The following ADGRL2 variants were observed in gnomAD, a reference collection of about 807,000 sequenced individuals.
ADGRL2 encodes calcium-independent alpha-latrotoxin receptor 2.
In ADGRL2, 44 loss-of-function variants were observed where a neutral mutation model predicts 157.4. The observed-to-expected ratio is 0.28, with a 90% CI of 0.22 to 0.36. The LOEUF (loss-of-function observed/expected upper bound fraction) is 0.36. Among genes scored for constraint, ADGRL2 ranks in the 10% least tolerant of loss-of-function variants. ADGRL2 has a pLI of 1.00. For missense variants in ADGRL2, 1,510 were observed against 1,768.9 expected, an observed-to-expected ratio of 0.85 and a Z score of 2.63; for synonymous variants, 585 against 624.7, an observed-to-expected ratio of 0.94 and a Z score of 0.95.
intron 2 of ADGRL2, among the ~76,000 whole-genome samples, chr1:81,511,723 G>C (rs1295234828): frequency 2.0e-5 from 3 of 152,074 alleles, no homozygotes; most frequent in African/African-American, 7.2e-5. Context: ...TGAGTCAAAA[G>C]CAAATCATGT....
At chr1:81,891,084 C>T (rs2094251905) in intron 2 of ADGRL2, among the ~76,000 whole-genome samples, 1 of 151,876 alleles carries the variant, frequency 6.6e-6, no homozygotes, top group African/African-American at 2.4e-5. Flanking sequence ...TTATTTCCCC[C>T]CATGCATGTA....
At chr1:81,341,734 T>C (rs536847597) in intron 1 of ADGRL2, among the ~76,000 whole-genome samples, 2 of 152,280 alleles carry the variant, frequency 1.3e-5, no homozygotes, top group South Asian at 2.1e-4. Context: ...GTAGAGCTCA[T>C]TGGGAGTTAC....
chr1:81,636,261 A>G (rs1322058076), intron 3 of ADGRL2, among the ~76,000 whole-genome samples: 2 of 152,196 alleles, frequency 1.3e-5, no homozygotes, highest in African/African-American at 4.8e-5. Flanking sequence ...GTGTATATAT[A>G]TGTGCATATT....
chr1:81,926,585 T>A (rs557985569), intron 3 of ADGRL2, among the ~76,000 whole-genome samples: 2 of 152,166 alleles, frequency 1.3e-5, no homozygotes, highest in Non-Finnish European at 2.9e-5. Flanking sequence ...TCTTAAGTGA[T>A]ACAGGTTGTA....
chr1:81,428,566 C>G (rs955746860), intron 1 of ADGRL2, among the ~76,000 whole-genome samples: 1 of 152,110 alleles, frequency 6.6e-6, no homozygotes, highest in African/African-American at 2.4e-5. Flanking sequence ...AGCTTAAAGG[C>G]CCCCATTCAT....
intron 1 of ADGRL2, among the ~76,000 whole-genome samples, chr1:81,831,591 A>C (rs2091949368): frequency 6.6e-6 from 1 of 151,926 alleles, no homozygotes; most frequent in African/African-American, 2.4e-5. Context: ...TGAGTAGGTT[A>C]AGTTTTCTGC....
intron 1 of ADGRL2, among the ~76,000 whole-genome samples, chr1:81,399,478 T>C (rs1570850489): frequency 1.3e-5 from 2 of 152,022 alleles, no homozygotes; most frequent in South Asian, 4.1e-4. Flanking sequence ...TACTATTCTT[T>C]CTTATTTCCT....
intron 3 of ADGRL2, among the ~76,000 whole-genome samples, chr1:81,614,640 GC>G: frequency 6.6e-6 from 1 of 152,182 alleles, no homozygotes; most frequent in South Asian, 2.1e-4. Flanking sequence ...TTCCAGTTCT[GC>G]AGGAAGTCAG....
chr1:81,359,871 A>T (rs1168855734), intron 1 of ADGRL2, among the ~76,000 whole-genome samples: 2 of 151,878 alleles, frequency 1.3e-5, no homozygotes, highest in Non-Finnish European at 2.9e-5. Flanking sequence ...TCTTTCCCTC[A>T]TCCTTCCCAC....
intron 3 of ADGRL2, among the ~76,000 whole-genome samples, chr1:81,688,527 T>C (rs1273665768): frequency 6.6e-6 from 1 of 152,176 alleles, no homozygotes; most frequent in African/African-American, 2.4e-5. Flanking sequence ...TATTTTATTG[T>C]TTTTTCTTTA....
intron 2 of ADGRL2, among the ~76,000 whole-genome samples, chr1:81,447,403 G>A (rs1357467892): frequency 6.6e-6 from 1 of 152,166 alleles, no homozygotes; most frequent in Non-Finnish European, 1.5e-5. Context: ...ATTTCAGCAT[G>A]ATTTTTCTGG....
At chr1:81,836,363 G>C (rs1224062364) in intron 1 of ADGRL2, among the ~76,000 whole-genome samples, 3 of 152,054 alleles carry the variant, frequency 2.0e-5, no homozygotes, top group South Asian at 2.1e-4. Flanking sequence ...GATATATTTG[G>C]GAAATGCCTT....
intron 2 of ADGRL2, among the ~76,000 whole-genome samples, chr1:81,524,619 A>G (rs2079408339): frequency 6.6e-6 from 1 of 152,216 alleles, no homozygotes; most frequent in Non-Finnish European, 1.5e-5. Flanking sequence ...TTATCCAAAT[A>G]TGAAAGAAAA....
chr1:81,701,701 A>G (rs1170885431), intron 1 of ADGRL2, among the ~76,000 whole-genome samples: 1 of 152,188 alleles, frequency 6.6e-6, no homozygotes, highest in Admixed American at 6.5e-5. Context: ...ACTACTATCA[A>G]TGCTGTCTGT....
At chr1:81,309,919 C>T (rs1016602381) in intron 1 of ADGRL2, among the ~76,000 whole-genome samples, 1 of 152,118 alleles carries the variant, frequency 6.6e-6, no homozygotes, top group Non-Finnish European at 1.5e-5. Context: ...ACTACCTTTC[C>T]TAGCAACTCC....
intron 2 of ADGRL2, among the ~76,000 whole-genome samples, chr1:81,855,544 TTTTC>T (rs1188396523): frequency 7.9e-5 from 11 of 138,694 alleles, no homozygotes; most frequent in Admixed American, 6.9e-4. Context: ...TTCCTCTTCT[TTTTC>T]TTTTTCTTTT....
chr1:81,673,021 T>C (rs2082907121), intron 3 of ADGRL2, among the ~76,000 whole-genome samples: 1 of 152,224 alleles, frequency 6.6e-6, no homozygotes, highest in Non-Finnish European at 1.5e-5. Flanking sequence ...GTACACTGGA[T>C]TGAAACCTTT....
intron 3 of ADGRL2, among the ~76,000 whole-genome samples, chr1:81,675,253 C>T (rs1218847493): frequency 6.6e-6 from 1 of 152,196 alleles, no homozygotes; most frequent in Non-Finnish European, 1.5e-5. Flanking sequence ...GACTTCTGCT[C>T]AGTTAACTTT....
chr1:81,395,119 C>T (rs1428419488), intron 1 of ADGRL2, among the ~76,000 whole-genome samples: 1 of 152,064 alleles, frequency 6.6e-6, no homozygotes, highest in Non-Finnish European at 1.5e-5. Flanking sequence ...CCATGTTGGC[C>T]AGGCTGGTTT....
Sources: allele counts gnomAD v4.1 joint callset (sites outside exome capture counted in the v4.1 genomes callset), GRCh38; gene constraint gnomAD v4.1.1; transcripts MANE v1.5; gene names NCBI Gene and HGNC (gene_info 2026-07-23, HGNC 2026-07-21).